The following DIDO1 variants were observed in gnomAD, a reference collection of about 807,000 sequenced individuals.
DIDO1 encodes death inducer-obliterator 1.
In DIDO1, 16 loss-of-function variants were observed where a neutral mutation model predicts 99.4. The observed-to-expected ratio is 0.16, with a 90% CI of 0.11 to 0.24. DIDO1 has a LOEUF of 0.24. Among genes scored for constraint, DIDO1 ranks in the 10% least tolerant of loss-of-function variants. The probability of loss-of-function intolerance (pLI) is 1.00; values close to 1 mark genes in which losing one functional copy is unlikely to be tolerated. For synonymous variants in DIDO1, 1,366 were observed against 1,239.1 expected, an observed-to-expected ratio of 1.10 and a Z score of -2.15; for missense variants, 2,996 against 3,014.0, an observed-to-expected ratio of 0.99 and a Z score of 0.14.
intron 15 of DIDO1, among the ~76,000 whole-genome samples, chr20:62,883,173 C>T (rs550261712): frequency 6.6e-5 from 10 of 151,990 alleles, no homozygotes; most frequent in African/African-American, 2.4e-4. Flanking sequence ...ATCCACCTGC[C>T]TCGGCCTCCC....
At chr20:62,898,845 T>TG (rs1315701562) in intron 6 of DIDO1, among the ~76,000 whole-genome samples, 2 of 152,190 alleles carry the variant, frequency 1.3e-5, no homozygotes, top group East Asian at 3.8e-4. Context: ...ACATGTACTA[T>TG]GTCATCAGAT....
At chr20:62,932,928 G>A (rs1357550891) in intron 1 of DIDO1, among the ~76,000 whole-genome samples, 2 of 152,206 alleles carry the variant, frequency 1.3e-5, no homozygotes. Context: ...AATATGTGCA[G>A]CAGGCCAGGC....
At chr20:62,897,820 AG>A (rs1285325642) in intron 6 of DIDO1, among the ~76,000 whole-genome samples, 1 of 152,194 alleles carries the variant, frequency 6.6e-6, no homozygotes, top group Non-Finnish European at 1.5e-5. Flanking sequence ...ACGGCGTGCC[AG>A]GGGACAGATG....
At chr20:62,886,064 G>A (rs944141740) in intron 15 of DIDO1, among the ~76,000 whole-genome samples, 1 of 152,236 alleles carries the variant, frequency 6.6e-6, no homozygotes, top group Non-Finnish European at 1.5e-5. Context: ...AGGCCTGCAC[G>A]AAGCTGGCAC....
rs769809904 is a variant in DIDO1, at chr20:62,880,701, C to A, written c.5255G>T (p.Gly1752Val). The A allele has an allele frequency of 1.2e-6, 2 of 1,612,746 alleles. No homozygotes were observed. The highest frequency in any genetic ancestry group is 1.1e-5 in the South Asian group (1 of 91,086). Residue 1752 changes from glycine (G) to valine (V), a missense_variant, in exon 16 of 16, where the codon GGT becomes GTT. By Grantham distance (109) the Gly-to-Val change is moderately radical. Around this residue, in one of 5 missense-constraint regions of DIDO1, gnomAD observed 1,562 missense variants for 1,412.6 expected, o/e 1.11. Coordinates refer to ENST00000395343, the MANE Select transcript of DIDO1 (RefSeq NM_001193369.2). ...KVGGSQPPFQ[G>V]QREPGPHALG... is the part of the protein sequence containing the mutation. ...AGCATGAGGTCCAGGTTCCCGCTGA[C>A]CCTGAAACGGGGGCTGAGAGCCCCC...
intron 15 of DIDO1, 48 bp downstream of exon 15, chr20:62,890,912 G>A (rs555116843): frequency 3.1e-6 from 5 of 1,612,250 alleles, no homozygotes; most frequent in East Asian, 2.2e-5. Context: ...GGGAGGAGGG[G>A]TGCAGGTGCA....
chr20:62,891,866 A>G (rs2064406318), intron 14 of DIDO1, 121 bp downstream of exon 14: 1 of 783,024 alleles, frequency 1.3e-6, no homozygotes, highest in Non-Finnish European at 2.0e-6. Context: ...ACCTGGAAAT[A>G]TCTAGTAAGC....
intron 15 of DIDO1, 95 bp downstream of exon 15, chr20:62,890,865 G>C: frequency 6.2e-7 from 1 of 1,608,184 alleles, no homozygotes; most frequent in South Asian, 1.1e-5. Context: ...CTCCCAGAGA[G>C]CCCTGGGCTG....
chr20:62,887,749 C>T, intron 15 of DIDO1: 1 of 985,510 alleles, frequency 1.0e-6, no homozygotes, highest in African/African-American at 1.7e-5. Flanking sequence ...ATGAACAAGG[C>T]CCTGAGACAG....
At chr20:62,888,465 GACCCTC>G in intron 15 of DIDO1, 1 of 985,522 alleles carries the variant, frequency 1.0e-6, no homozygotes, top group Non-Finnish European at 1.2e-6. Context: ...GGGTCCTGCA[GACCCTC>G]ACCCAGCACT....
chr20:62,902,828 G>A (rs747956168), intron 6 of DIDO1, among the ~76,000 whole-genome samples: 25 of 152,214 alleles, frequency 1.6e-4, no homozygotes, highest in Non-Finnish European at 3.1e-4. Flanking sequence ...ACGAACTGTA[G>A]AATCTGCTTT....
At chr20:62,908,870 G>C (rs961886618) in intron 4 of DIDO1, among the ~76,000 whole-genome samples, 1 of 152,134 alleles carries the variant, frequency 6.6e-6, no homozygotes, top group Non-Finnish European at 1.5e-5. Flanking sequence ...ACAAAAAACA[G>C]AATCAATATA....
intron 6 of DIDO1, among the ~76,000 whole-genome samples, chr20:62,897,706 C>A (rs1389597444): frequency 1.3e-5 from 2 of 152,226 alleles, no homozygotes; most frequent in Admixed American, 6.5e-5. Flanking sequence ...AGACATCAAA[C>A]CCCCTCAACT....
In DIDO1 at chr20:62,879,221, C is replaced by G; in HGVS notation, c.*12G>C. On this transcript the variant is annotated 3_prime_UTR_variant, in exon 16 of 16. Transcript: ENST00000395343. The surrounding 1 kb of genome is among the most constrained non-coding windows in gnomAD (Gnocchi z 6.3). Reference sequence around the variant, plus strand: ...CGTGGCTTTAAAAAGGGTCTCTGCCCGGCCGGGGCGTCTAGGCCTGCGAGG... The same window carrying G: ...CGTGGCTTTAAAAAGGGTCTCTGCCGGGCCGGGGCGTCTAGGCCTGCGAGG... 6.7e-7 allele frequency: 1 copy of G among 1,481,988 alleles called. No homozygotes were observed. Among genetic ancestry groups the G allele is most frequent in the South Asian group, 1.4e-5 (1 of 72,744 alleles). 91.8% of individuals were successfully genotyped at this position (1,481,988 alleles called of 1,614,324 possible).
At position 62,877,835 on chromosome 20, in the gene DIDO1, C is replaced by T. The variant is rs2064134166; in HGVS notation, c.*1398G>A. The stretch of plus-strand genomic sequence containing the variant: ...ATATAAGCCTCCGCAATATAAAATA[C>T]AATGTACAGGAATCTCTATCAAGTA... On this transcript the variant is annotated 3_prime_UTR_variant, in exon 16 of 16. Coordinates refer to ENST00000395343, the MANE Select transcript of DIDO1 (RefSeq NM_001193369.2). 1 of 152,192 alleles carries T rather than the reference C, an allele frequency of 6.6e-6. No individual in the cohort carries two copies. Among genetic ancestry groups the T allele is most frequent in the Non-Finnish European group, 1.5e-5 (1 of 68,028 alleles). 9.4% of individuals were successfully genotyped at this position (152,192 alleles called of 1,614,324 possible).
chr20:62,926,141 G>A (rs935154005), intron 1 of DIDO1, among the ~76,000 whole-genome samples: 8 of 151,782 alleles, frequency 5.3e-5, no homozygotes, highest in Non-Finnish European at 1.0e-4. Context: ...CCTCGGAACC[G>A]TTCCAGCCGC....
chr20:62,920,338 T>C (rs1308026751), intron 1 of DIDO1, among the ~76,000 whole-genome samples: 2 of 152,156 alleles, frequency 1.3e-5, no homozygotes, highest in African/African-American at 2.4e-5. Context: ...CCTGCATAAT[T>C]CCATGGCCCC....
intron 1 of DIDO1, among the ~76,000 whole-genome samples, chr20:62,919,538 C>T (rs62200154): frequency 0.029 from 4,458 of 151,540 alleles, 84 homozygotes; most frequent in African/African-American, 0.045. Context: ...AAAACTCCCT[C>T]TCAAAGAAGA....
intron 6 of DIDO1, 81 bp from the exon 7 acceptor site, chr20:62,897,077 T>G: frequency 7.4e-7 from 1 of 1,343,474 alleles, no homozygotes; most frequent in Admixed American, 2.7e-5. Flanking sequence ...AGACTTACCC[T>G]TAAACCTGTA....
Sources: allele counts gnomAD v4.1 joint callset (sites outside exome capture counted in the v4.1 genomes callset), GRCh38; gene constraint gnomAD v4.1.1; regional missense constraint gnomAD v4.1.1; non-coding constraint Gnocchi (gnomAD v3.1); transcripts MANE v1.5; gene names NCBI Gene and HGNC (gene_info 2026-07-23, HGNC 2026-07-21).